The following SPX variants were observed in gnomAD, a reference collection of about 807,000 sequenced individuals.
SPX encodes spexin hormone, also known as spexin.
In SPX, 22 loss-of-function variants were observed where a neutral mutation model predicts 19.2. The observed-to-expected ratio is 1.15, with a 90% CI of 0.82 to 1.64. The LOEUF is 1.64. Among genes scored for constraint, SPX ranks in the 40% most tolerant of loss-of-function variants. SPX has a pLI of 0.00. For missense variants in SPX, 143 were observed against 137.7 expected (o/e 1.04, Z -0.19); for synonymous variants, 50 against 53.3 (o/e 0.94, Z 0.27).
intron 1 of SPX, 64 bp from the exon 2 acceptor site, chr12:21,526,822 A>G: frequency 6.8e-7 from 1 of 1,468,244 alleles, no homozygotes; most frequent in South Asian, 1.2e-5. Context: ...CCAGGCGTCA[A>G]GGAAGGAAGC....
At chr12:21,526,782 A>G (rs78125023) in intron 1 of SPX, 104 bp from the exon 2 acceptor site, 1 of 1,132,768 alleles carries the variant, frequency 8.8e-7, no homozygotes, top group African/African-American at 1.6e-5. Context: ...AAAACAGAAT[A>G]TTGCGAGAAG....
At chr12:21,527,859 T>C (rs1943829674) in intron 4 of SPX, 70 bp downstream of exon 4, 1 of 1,484,168 alleles carries the variant, frequency 6.7e-7, no homozygotes, top group Non-Finnish European at 9.2e-7. Context: ...CAGGGCTTGC[T>C]CCGCGCTGGT....
intron 2 of SPX, 73 bp downstream of exon 2, chr12:21,527,039 T>A: frequency 6.3e-7 from 1 of 1,586,218 alleles, no homozygotes; most frequent in Non-Finnish European, 8.7e-7. Context: ...CTTTCTTCCT[T>A]CTTGTTTTAT....
At chr12:21,530,302 C>T (rs552331097) in intron 5 of SPX, among the ~76,000 whole-genome samples, 52 of 152,132 alleles carry the variant, frequency 3.4e-4, no homozygotes, top group Non-Finnish European at 6.5e-4. Context: ...ACAGGGACGC[C>T]GTTCTGGTTT....
In SPX at chr12:21,531,651, A is replaced by T. The variant is rs1591770435; in HGVS notation, c.*456A>T. 6.5e-6 allele frequency: 1 copy of T among 153,986 alleles called. No homozygotes were observed. Among genetic ancestry groups the T allele is most frequent in the Admixed American group, 6.5e-5 (1 of 15,384 alleles). The allele number at this position is 153,986 out of a possible 1,614,324, so 9.5% of individuals were successfully genotyped here. A position where few individuals can be genotyped will look rare whatever the true frequency, so the allele number is the denominator to read the frequency against. ...AAGGTGAGAAACATGGCAGGATGGG[A>T]AATAGGAGAGTATGACTCTCTATAG... is the stretch of plus-strand genomic sequence containing the variant. On this transcript the variant is annotated 3_prime_UTR_variant, in exon 6 of 6. Coordinates refer to ENST00000256969, the MANE Select transcript of SPX (RefSeq NM_030572.4).
At position 21,527,193 on chromosome 12, in the gene SPX, G is replaced by A; in HGVS notation, c.145+1G>A. The A allele has an allele frequency of 6.2e-7, 1 of 1,613,286 alleles. No individual in the cohort carries two copies. The highest frequency in any genetic ancestry group is 2.2e-5 in the East Asian group (1 of 44,866). ...GCTATGCTCTACCTGAAAGGGGCACGTAAGTTCCAAATATTTCGCTCTTCC... is the reference window on the plus strand; with the variant it reads ...GCTATGCTCTACCTGAAAGGGGCACATAAGTTCCAAATATTTCGCTCTTCC... On this transcript the variant is annotated splice_donor_variant, in intron 3 of 5. Coordinates refer to ENST00000256969, the MANE Select transcript of SPX (RefSeq NM_030572.4). LOFTEE classifies it high-confidence loss of function.
At chr12:21,529,922 C>A (rs890348810) in intron 5 of SPX, among the ~76,000 whole-genome samples, 1 of 152,004 alleles carries the variant, frequency 6.6e-6, no homozygotes, top group African/African-American at 2.4e-5. Context: ...TTGATAGTGA[C>A]GTTTTAGATT....
At chr12:21,530,203 C>G (rs1591769610) in intron 5 of SPX, among the ~76,000 whole-genome samples, 1 of 152,128 alleles carries the variant, frequency 6.6e-6, no homozygotes, top group South Asian at 2.1e-4. Flanking sequence ...AAATTAATCA[C>G]TAGTCTTCTT....
intron 4 of SPX, 121 bp from the exon 5 acceptor site, chr12:21,528,870 AGTAGTCCTTT>A (rs1166627208): frequency 1.3e-6 from 1 of 763,062 alleles, no homozygotes; most frequent in Non-Finnish European, 2.2e-6. Flanking sequence ...CTTCTGTGTA[AGTAGTCCTTT>A]GTTGAGGGGT....
In SPX at chr12:21,527,168, G is replaced by C. The variant is rs1413328860; in HGVS notation, c.121G>C (p.Ala41Pro). The change falls in exon 3 of 6, where the codon GCT becomes CCT. Residue 41 changes from alanine to proline, a missense_variant. By Grantham distance (27) the Ala-to-Pro change is conservative (BLOSUM62 -1). Transcript: ENST00000256969. ...LLERRNWTPQ[A>P]MLYLKGAQGR... The stretch of plus-strand genomic sequence containing the variant: ...GGAGAGAAGGAACTGGACTCCTCAA[G>C]CTATGCTCTACCTGAAAGGGGCACG... 3 of 1,614,002 alleles carry C rather than the reference G, an allele frequency of 1.9e-6. No homozygotes were observed. The South Asian group carries it at 3.3e-5, about 18-fold the overall frequency.
At position 21,526,952 on chromosome 12, in the gene SPX, A is replaced by C. The variant is rs755847380; in HGVS notation, c.73A>C (p.Ser25Arg). Residue 25 changes from serine (S) to arginine (R), a missense_variant, in exon 2 of 6, where the codon AGC becomes CGC. Transcript: ENST00000256969. Reference protein sequence around the residue: ...FLVFVFLGNSSCAPQRLLERR... With the variant: ...FLVFVFLGNSRCAPQRLLERR... ...GGTGTTTGTTTTCCTGGGAAACTCC[A>C]GCTGCGCTCCGCAGGTAATCAAATG... 2.5e-6 allele frequency: 4 copies of C among 1,614,228 alleles called. No individual in the cohort carries two copies. Among genetic ancestry groups the C allele is most frequent in the Non-Finnish European group, 3.4e-6 (4 of 1,180,020 alleles).
chr12:21,532,944 C>T lies in SPX; in HGVS notation c.*1749C>T, dbSNP rs190368156. The T allele has an allele frequency of 7.2e-5, 11 of 152,232 alleles. No individual in the cohort carries two copies. The highest frequency in any genetic ancestry group is 2.4e-4 in the African/African-American group (10 of 41,548). 9.4% of individuals were successfully genotyped at this position (152,232 alleles called of 1,614,324 possible). ...CTGATTAATTAAAAGGTCCCTCTTC[C>T]CAATTTTCTATAACTTTCCAACTCT... On this transcript the variant is annotated 3_prime_UTR_variant, in exon 6 of 6. Transcript: ENST00000256969.
Position 21,529,085 on chromosome 12 carries a change from G to C in SPX, c.292+1G>C. ...GCGTCCCTTCAGAAATCACCAGAAG[G>C]TACTAGCATAGTGGCCTCTTTCACC... is the stretch of plus-strand genomic sequence containing the variant. On this transcript the variant is annotated splice_donor_variant, in intron 5 of 5. Coordinates refer to ENST00000256969, the MANE Select transcript of SPX (RefSeq NM_030572.4). LOFTEE classifies it high-confidence loss of function. The C allele has an allele frequency of 6.2e-7, 1 of 1,612,752 alleles. No individual in the cohort carries two copies. The highest frequency in any genetic ancestry group is 8.5e-7 in the Non-Finnish European group (1 of 1,178,778).
At chr12:21,527,291 T>G in intron 3 of SPX, 99 bp downstream of exon 3, 2 of 1,255,294 alleles carry the variant, frequency 1.6e-6, no homozygotes, top group Non-Finnish European at 2.3e-6. Flanking sequence ...AATGTCGAGT[T>G]TATTCCCTTA....
chr12:21,528,243 GTTA>G (rs1197809587), intron 4 of SPX: 1 of 153,830 alleles, frequency 6.5e-6, no homozygotes, highest in Non-Finnish European at 1.4e-5. Flanking sequence ...CTTAAACGCT[GTTA>G]TTATTAAAAT....
At chr12:21,529,527 C>G (rs1288685132) in intron 5 of SPX, among the ~76,000 whole-genome samples, 3 of 152,110 alleles carry the variant, frequency 2.0e-5, no homozygotes, top group Non-Finnish European at 4.4e-5. Context: ...TCCCGCTCCT[C>G]TTGAAACTTT....
At position 21,526,335 on chromosome 12, in the gene SPX, C is replaced by T. The variant is rs2136819338; in HGVS notation, c.-138C>T. 1.5e-6 allele frequency: 1 copy of T among 649,404 alleles called. No homozygotes were observed. Among genetic ancestry groups the T allele is most frequent in the Non-Finnish European group, 2.6e-6 (1 of 386,418 alleles). The allele number at this position is 649,404 out of a possible 1,614,324, so 40.2% of individuals were successfully genotyped here. A position where few individuals can be genotyped will look rare whatever the true frequency, so the allele number is the denominator to read the frequency against. On this transcript the variant is annotated 5_prime_UTR_variant, in exon 1 of 6. Transcript: ENST00000256969. ...CTTGCTTGAAGACTGACAAGATGTCCCTGTGGACTCCCAAACTCTACTCCA... is the reference window on the plus strand; with the variant it reads ...CTTGCTTGAAGACTGACAAGATGTCTCTGTGGACTCCCAAACTCTACTCCA...
intron 4 of SPX, 44 bp downstream of exon 4, chr12:21,527,833 A>G: frequency 6.5e-7 from 1 of 1,546,258 alleles, no homozygotes; most frequent in Non-Finnish European, 8.8e-7. Flanking sequence ...GCGCTTTTGG[A>G]ATAGGATGGG....
At chr12:21,526,614 A>G in intron 1 of SPX, 136 bp downstream of exon 1, 1 of 901,394 alleles carries the variant, frequency 1.1e-6, no homozygotes, top group Non-Finnish European at 1.7e-6. Context: ...GAATAACAGA[A>G]TCATTTGATT....
Sources: gnomAD v4.1 joint callset for allele counts (sites outside exome capture counted in the v4.1 genomes callset) on GRCh38, gnomAD v4.1.1 for gene constraint, MANE v1.5 for transcripts, NCBI Gene and HGNC (gene_info 2026-07-23, HGNC 2026-07-21) for gene names.